Variants in NIBAN1 observed in about 807,000 individuals in gnomAD.
NIBAN1 encodes niban apoptosis regulator 1, also known as protein Niban 1.
A neutral mutation model predicts 75.1 loss-of-function variants in NIBAN1; 81 were observed. The observed-to-expected ratio is 1.08, with a 90% CI of 0.90 to 1.30. The LOEUF is 1.30. Among genes scored for constraint, NIBAN1 ranks in the 50% most tolerant of loss-of-function variants. The pLI is 0.00. For synonymous variants in NIBAN1, 436 were observed against 424.8 expected (o/e 1.03, Z -0.32); for missense variants, 1,133 against 1,128.1 (o/e 1.00, Z -0.06).
intron 5 of NIBAN1, among the ~76,000 whole-genome samples, chr1:184,881,461 T>A (rs1656376435): frequency 6.6e-6 from 1 of 152,068 alleles, no homozygotes. Context: ...CCAAGCGAGA[T>A]CAACATGCCT....
intron 1 of NIBAN1, among the ~76,000 whole-genome samples, chr1:184,946,778 A>G (rs192338076): frequency 6.6e-6 from 1 of 152,336 alleles, no homozygotes; most frequent in East Asian, 1.9e-4. Context: ...CAACAGGAAG[A>G]AAAAGCTGCC....
At chr1:184,808,856 A>G (rs374320765) in intron 9 of NIBAN1, among the ~76,000 whole-genome samples, 1 of 152,206 alleles carries the variant, frequency 6.6e-6, no homozygotes, top group African/African-American at 2.4e-5. Context: ...GTTTGCACTC[A>G]GTCAATGAGG....
At chr1:184,834,269 T>C (rs1249930670) in intron 5 of NIBAN1, among the ~76,000 whole-genome samples, 3 of 152,340 alleles carry the variant, frequency 2.0e-5, no homozygotes, top group South Asian at 4.2e-4. Flanking sequence ...TGGTGGACAT[T>C]TGGGTGGGTT....
chr1:184,918,379 A>G (rs1392742716), intron 1 of NIBAN1, among the ~76,000 whole-genome samples: 4 of 152,246 alleles, frequency 2.6e-5, no homozygotes, highest in Admixed American at 2.6e-4. Flanking sequence ...AGGTAACATT[A>G]GAAAACACAT....
At chr1:184,890,920 T>C (rs1656652070) in intron 3 of NIBAN1, among the ~76,000 whole-genome samples, 2 of 152,122 alleles carry the variant, frequency 1.3e-5, no homozygotes, top group Non-Finnish European at 2.9e-5. Context: ...GCAGATAAGA[T>C]AACATTTAAG....
At chr1:184,955,364 T>TTCC (rs1658462117) in intron 1 of NIBAN1, among the ~76,000 whole-genome samples, 1 of 150,320 alleles carries the variant, frequency 6.7e-6, no homozygotes, top group Non-Finnish European at 1.5e-5. Flanking sequence ...TTCCTTTTCT[T>TTCC]TTTTGTTTTG....
At chr1:184,900,273 C>A (rs1656919198) in intron 1 of NIBAN1, among the ~76,000 whole-genome samples, 1 of 152,110 alleles carries the variant, frequency 6.6e-6, no homozygotes, top group African/African-American at 2.4e-5. Context: ...CACCACGAGA[C>A]AGAGGGGGAA....
At chr1:184,798,484 C>T (rs1317477437) in intron 12 of NIBAN1, among the ~76,000 whole-genome samples, 3 of 152,160 alleles carry the variant, frequency 2.0e-5, no homozygotes, top group Non-Finnish European at 2.9e-5. Flanking sequence ...GTACTGGCCA[C>T]GCATTTTATG....
At chr1:184,900,678 G>A (rs1190199829) in intron 1 of NIBAN1, among the ~76,000 whole-genome samples, 6 of 152,110 alleles carry the variant, frequency 3.9e-5, no homozygotes, top group African/African-American at 9.7e-5. Context: ...AGGGAAGAGA[G>A]AAGGAGGAAT....
At chr1:184,915,929 T>A (rs1388943015) in intron 1 of NIBAN1, among the ~76,000 whole-genome samples, 1 of 152,244 alleles carries the variant, frequency 6.6e-6, no homozygotes, top group African/African-American at 2.4e-5. Flanking sequence ...CATTCCTGAA[T>A]ATGCTGTTGT....
intron 6 of NIBAN1, 93 bp from the exon 7 acceptor site, chr1:184,823,835 G>T: frequency 9.8e-7 from 1 of 1,019,736 alleles, no homozygotes; most frequent in Non-Finnish European, 1.5e-6. Context: ...GGCTGTCCCT[G>T]TCCCGGACCA....
chr1:184,936,175 G>C (rs1231685274), intron 1 of NIBAN1, among the ~76,000 whole-genome samples: 1 of 152,140 alleles, frequency 6.6e-6, no homozygotes, highest in Non-Finnish European at 1.5e-5. Context: ...AAAGCCATAT[G>C]TACTCCAAAA....
chr1:184,972,984 G>T (rs752825211), intron 1 of NIBAN1, among the ~76,000 whole-genome samples: 7 of 152,178 alleles, frequency 4.6e-5, no homozygotes, highest in Non-Finnish European at 1.0e-4. Flanking sequence ...TTCTCACTAC[G>T]TTCTGTTGAT....
intron 1 of NIBAN1, among the ~76,000 whole-genome samples, chr1:184,935,617 A>T (rs916138930): frequency 5.3e-5 from 8 of 152,190 alleles, no homozygotes; most frequent in Middle Eastern, 3.4e-3. Flanking sequence ...AAATATATAT[A>T]TTTTTTTAAA....
Position 184,910,177 on chromosome 1 carries a change from C to T in NIBAN1, c.56-10868G>A, listed in dbSNP as rs139635936. Reference sequence around the variant, plus strand: ...CACTTACTTCTAACTAGTCATTATACGCACCAAGGAGATTAAGTATGAAGT... The same window carrying T: ...CACTTACTTCTAACTAGTCATTATATGCACCAAGGAGATTAAGTATGAAGT... On this transcript the variant is annotated intron_variant, in intron 1 of 13. Transcript: ENST00000367511. Among the ~76,000 whole-genome samples, 268 of 152,116 alleles carry T rather than the reference C, an allele frequency of 1.8e-3. 1 individual carries two copies. The highest frequency in any genetic ancestry group is 6.1e-3 in the African/African-American group (254 of 41,532).
At chr1:184,844,607 G>A (rs1297018420) in intron 5 of NIBAN1, among the ~76,000 whole-genome samples, 9 of 152,224 alleles carry the variant, frequency 5.9e-5, no homozygotes, top group African/African-American at 1.9e-4. Flanking sequence ...TTATCAGGTC[G>A]GAAAATAAGA....
In NIBAN1 at chr1:184,890,114, G is replaced by A. The variant is rs762803465; in HGVS notation, c.427C>T (p.Pro143Ser). 1 of 1,611,550 alleles carries A rather than the reference G, an allele frequency of 6.2e-7. No individual in the cohort carries two copies. The highest frequency in any genetic ancestry group is 1.1e-5 in the South Asian group (1 of 90,994). Residue 143 changes from proline (P) to serine (S), a missense_variant, in exon 4 of 14, where the codon CCT becomes TCT. Physicochemically the swap from Pro to Ser is moderately conservative, Grantham distance 74. Coordinates refer to ENST00000367511, the MANE Select transcript of NIBAN1 (RefSeq NM_052966.4). ...AGAATGATCAGCAACTCACCAAGAG[G>A]GTCTGGGAAATGCCTGTCAGACAAC... ...NLLSDRHFPD[P>S]LASSEKENTQ...
chr1:184,823,499 G>A, intron 7 of NIBAN1, 139 bp downstream of exon 7: 1 of 1,228,914 alleles, frequency 8.1e-7, no homozygotes, highest in Non-Finnish European at 1.1e-6. Context: ...TCTTGTAAGT[G>A]AGACTCAGCA....
chr1:184,871,255 G>A (rs1656098618), intron 5 of NIBAN1, among the ~76,000 whole-genome samples: 1 of 148,430 alleles, frequency 6.7e-6, no homozygotes, highest in Non-Finnish European at 1.5e-5. Flanking sequence ...GCTGAGGCTG[G>A]AGAATCACTT....
Sources: gnomAD v4.1 joint callset for allele counts (sites outside exome capture counted in the v4.1 genomes callset) on GRCh38, gnomAD v4.1.1 for gene constraint, MANE v1.5 for transcripts, NCBI Gene and HGNC (gene_info 2026-07-23, HGNC 2026-07-21) for gene names.